The following PHACTR2 variants were observed in gnomAD, a reference collection of about 807,000 sequenced individuals.
The protein encoded by PHACTR2 is chromosome 6 open reading frame 56.
In PHACTR2, 30 loss-of-function variants were observed where a neutral mutation model predicts 76.0. That is an observed-to-expected ratio of 0.39 (90% confidence interval 0.30 to 0.54). The LOEUF (loss-of-function observed/expected upper bound fraction) is 0.54. Ranked by LOEUF, PHACTR2 falls within the 20% of genes least tolerant of loss-of-function variation. PHACTR2 has a pLI of 0.61. For synonymous variants in PHACTR2, 292 were observed against 292.5 expected (o/e 1.00, Z 0.02); for missense variants, 696 against 781.1 (o/e 0.89, Z 1.30).
chr6:143,701,735 A>G (rs887656819), intron 1 of PHACTR2, among the ~76,000 whole-genome samples: 16 of 152,216 alleles, frequency 1.1e-4, no homozygotes, highest in African/African-American at 3.9e-4. Flanking sequence ...GAATACTAAT[A>G]GCAACTACTT....
At chr6:143,579,737 G>A (rs1476142558) in intron 1 of PHACTR2, among the ~76,000 whole-genome samples, 1 of 150,810 alleles carries the variant, frequency 6.6e-6, no homozygotes, top group Non-Finnish European at 1.5e-5. Flanking sequence ...GAGTGGGTGT[G>A]TATTCATTAT....
chr6:143,651,082 G>GA (rs1306401223), intron 1 of PHACTR2, among the ~76,000 whole-genome samples: 8 of 151,784 alleles, frequency 5.3e-5, no homozygotes, highest in African/African-American at 1.7e-4. Context: ...ACAAACATAT[G>GA]AAAAAAAAGC....
Position 143,624,016 on chromosome 6 carries a change from C to T in PHACTR2, c.13+15694C>T, listed in dbSNP as rs1483780160. The stretch of plus-strand genomic sequence containing the variant: ...AAGACCCTGCCTCCCCACCCACTCC[C>T]CACCCTGCCCCAGTGTAAGCTATTA... On this transcript the variant is annotated intron_variant, in intron 1 of 11. Coordinates refer to the PHACTR2 transcript ENST00000305766. The surrounding 1 kb of genome is among the most constrained non-coding windows in gnomAD (Gnocchi z 4.6). 6.6e-6 allele frequency among the ~76,000 whole-genome samples: 1 copy of T among 152,164 alleles called. No homozygotes were observed. Among genetic ancestry groups the T allele is most frequent in the Non-Finnish European group, 1.5e-5 (1 of 68,032 alleles).
intron 1 of PHACTR2, among the ~76,000 whole-genome samples, chr6:143,643,385 A>G (rs2128444537): frequency 6.6e-6 from 1 of 152,340 alleles, no homozygotes; most frequent in East Asian, 1.9e-4. Flanking sequence ...GTTACTTCTG[A>G]AAATTGGTTA....
chr6:143,688,036 G>C lies in PHACTR2; in HGVS notation c.46+9827G>C, dbSNP rs2128455262. Among the ~76,000 whole-genome samples the C allele has an allele frequency of 6.6e-6, 1 of 152,248 alleles. No individual in the cohort carries two copies. Among genetic ancestry groups the C allele is most frequent in the Non-Finnish European group, 1.5e-5 (1 of 68,022 alleles). On this transcript the variant is annotated intron_variant, in intron 1 of 12. Transcript: ENST00000440869. The surrounding 1 kb of genome is among the most constrained non-coding windows in gnomAD (Gnocchi z 5.2). The stretch of plus-strand genomic sequence containing the variant: ...GCTTAGTGAAAATGTGCAGAAATGA[G>C]AGTGGAAGGGAAGGGATATGTAGAG...
chr6:143,753,225 A>G lies in PHACTR2; in HGVS notation c.296-529A>G, dbSNP rs1012250892. Among the ~76,000 whole-genome samples the G allele has an allele frequency of 6.6e-6, 1 of 152,186 alleles. No homozygotes were observed. ...TCCCTGAACATAGAGTAGCAGTTAT[A>G]TTACTGTGTGAAGTTAGCACATCAT... On this transcript the variant is annotated intron_variant, in intron 3 of 12. Coordinates refer to ENST00000440869, the MANE Select transcript of PHACTR2 (RefSeq NM_001100164.2). This position sits in a 1 kb window ranked among gnomAD's most constrained non-coding sequence, Gnocchi z 4.6.
Position 143,787,061 on chromosome 6 carries a change from A to G in PHACTR2, c.1708-1712A>G, listed in dbSNP as rs1344111508. 7.1e-6 allele frequency among the ~76,000 whole-genome samples: 1 copy of G among 140,704 alleles called. No homozygotes were observed. Among genetic ancestry groups the G allele is most frequent in the Non-Finnish European group, 1.6e-5 (1 of 62,560 alleles). 92.3% of individuals were successfully genotyped at this position (140,704 alleles called of 152,430 possible). ...ACCCCCTCCTTATTGCCCTGGGCAC[A>G]GTCTTGTGATACAAATCATCTTTCT... On this transcript the variant is annotated intron_variant, in intron 10 of 12. Transcript: ENST00000440869. This position sits in a 1 kb window ranked among gnomAD's most constrained non-coding sequence, Gnocchi z 4.6.
At chr6:143,706,008 G>A (rs1342360258) in intron 1 of PHACTR2, among the ~76,000 whole-genome samples, 2 of 152,204 alleles carry the variant, frequency 1.3e-5, no homozygotes, top group Admixed American at 6.5e-5. Flanking sequence ...TTATCTATAT[G>A]AGTATGGATT....
At chr6:143,691,856 C>T (rs557654916) in intron 1 of PHACTR2, among the ~76,000 whole-genome samples, 73 of 152,252 alleles carry the variant, frequency 4.8e-4, no homozygotes, top group African/African-American at 7.0e-4. Context: ...GAACTGTAGG[C>T]GGCAAATTCT....
rs896148900 is a variant in PHACTR2 at position 143,663,000 on chromosome 6, T to C, written c.14-49016T>C. ...TTCCTGTATTAATTTGCTTAGGATA[T>C]GATCTCCAGCTGCATCCATGTTGCT... On this transcript the variant is annotated intron_variant, in intron 1 of 11. Transcript: ENST00000305766. This position sits in a 1 kb window ranked among gnomAD's most constrained non-coding sequence, Gnocchi z 4.7. Among the ~76,000 whole-genome samples, 3 of 152,218 alleles carry C rather than the reference T, an allele frequency of 2.0e-5. No individual in the cohort carries two copies. Among genetic ancestry groups the C allele is most frequent in the Non-Finnish European group, 2.9e-5 (2 of 68,032 alleles).
chr6:143,594,367 G>T (rs938026440), intron 1 of PHACTR2, among the ~76,000 whole-genome samples: 5 of 152,282 alleles, frequency 3.3e-5, no homozygotes, highest in Admixed American at 1.3e-4. Context: ...TCTCAGAGCA[G>T]GGTCTTGTTG....
intron 4 of PHACTR2, among the ~76,000 whole-genome samples, chr6:143,756,349 T>C (rs1166611177): frequency 6.6e-6 from 1 of 152,042 alleles, no homozygotes; most frequent in Non-Finnish European, 1.5e-5. Flanking sequence ...CTTAAGGTCT[T>C]TGGGGCTCTT....
At chr6:143,620,997 C>T (rs1194512437) in intron 1 of PHACTR2, among the ~76,000 whole-genome samples, 1 of 152,152 alleles carries the variant, frequency 6.6e-6, no homozygotes, top group Non-Finnish European at 1.5e-5. Context: ...AATAGAGGCT[C>T]ATTAATTAGT....
At chr6:143,668,794 T>C (rs1777093826) in intron 1 of PHACTR2, among the ~76,000 whole-genome samples, 1 of 151,558 alleles carries the variant, frequency 6.6e-6, no homozygotes, top group Non-Finnish European at 1.5e-5. Context: ...GGTAGTGGTC[T>C]ATTTTGTTAA....
intron 12 of PHACTR2, among the ~76,000 whole-genome samples, chr6:143,810,868 AGTT>A (rs922073528): frequency 2.0e-5 from 3 of 151,706 alleles, no homozygotes; most frequent in African/African-American, 7.2e-5. Flanking sequence ...TTTTTTGGGT[AGTT>A]GTTTGTCTTT....
chr6:143,759,540 G>C (rs749660212), intron 4 of PHACTR2, among the ~76,000 whole-genome samples: 11 of 151,848 alleles, frequency 7.2e-5, no homozygotes, highest in Non-Finnish European at 1.2e-4. Context: ...TGTGGTCTCA[G>C]CTACACAGGA....
At chr6:143,735,345 T>C (rs1778791986) in intron 2 of PHACTR2, among the ~76,000 whole-genome samples, 1 of 152,224 alleles carries the variant, frequency 6.6e-6, no homozygotes, top group Admixed American at 6.5e-5. Context: ...GAAAACTGAT[T>C]ATGCATTATC....
At position 143,624,594 on chromosome 6, in the gene PHACTR2, T is replaced by C. The variant is rs574733066; in HGVS notation, c.13+16272T>C. On this transcript the variant is annotated intron_variant, in intron 1 of 11. Transcript: ENST00000305766. The surrounding 1 kb of genome is among the most constrained non-coding windows in gnomAD (Gnocchi z 4.6). ...CTTTTTTAATGTTGTGGGAAGCAGT[T>C]TATTTTCATGGTATGCGGCTTTTTT... Among the ~76,000 whole-genome samples, 10 of 152,318 alleles carry C rather than the reference T, an allele frequency of 6.6e-5. No homozygotes were observed. Among genetic ancestry groups the C allele is most frequent in the African/African-American group, 2.4e-4 (10 of 41,582 alleles).
At chr6:143,768,370 A>G (rs1357594285) in intron 6 of PHACTR2, among the ~76,000 whole-genome samples, 1 of 152,236 alleles carries the variant, frequency 6.6e-6, no homozygotes, top group Non-Finnish European at 1.5e-5. Context: ...GAGCAAGGCA[A>G]TATAGTTAAG....
Sources: allele counts gnomAD v4.1 joint callset (sites outside exome capture counted in the v4.1 genomes callset), GRCh38; gene constraint gnomAD v4.1.1; non-coding constraint Gnocchi (gnomAD v3.1); transcripts MANE v1.5; gene names NCBI Gene and HGNC (gene_info 2026-07-23, HGNC 2026-07-21).